Variants in ZNF385C observed in about 807,000 individuals in gnomAD.
The protein encoded by ZNF385C is zinc finger protein 385C.
In ZNF385C, 28 loss-of-function variants were observed where a neutral mutation model predicts 35.4. That is an observed-to-expected ratio of 0.79 (90% CI 0.59 to 1.08). The LOEUF is 1.08. ZNF385C is among the 50% of genes least tolerant of loss of function. ZNF385C has a pLI of 0.00. For synonymous variants in ZNF385C, 248 were observed against 248.2 expected (o/e 1.00, Z 0.01); for missense variants, 605 against 595.6 (o/e 1.02, Z -0.16).
At chr17:42,035,145 G>GAGAAAAGAAAAGAAAGGAAA (rs2052823793) in intron 3 of ZNF385C, among the ~76,000 whole-genome samples, 1 of 141,042 alleles carries the variant, frequency 7.1e-6, no homozygotes, top group Non-Finnish European at 1.5e-5. Flanking sequence ...AAAAAGAGAA[G>GAGAAAAGAAAAGAAAGGAAA]AGAAAAGAAA....
chr17:42,034,597 T>C (rs2052800911), intron 3 of ZNF385C, among the ~76,000 whole-genome samples: 2 of 136,632 alleles, frequency 1.5e-5, no homozygotes, highest in Admixed American at 8.0e-5. Flanking sequence ...CTGACCAACA[T>C]GGAGAAACCC....
intron 3 of ZNF385C, 122 bp from the exon 4 acceptor site, chr17:42,034,457 G>T (rs904986653): frequency 3.6e-5 from 24 of 674,680 alleles, no homozygotes; most frequent in Non-Finnish European, 5.3e-5. Context: ...CTTCTAGGAA[G>T]AACTTTTCCA....
chr17:42,067,145 A>T (rs933422959), intron 1 of ZNF385C, among the ~76,000 whole-genome samples: 15 of 151,862 alleles, frequency 9.9e-5, no homozygotes, highest in African/African-American at 3.6e-4. Context: ...ATCATAGCTC[A>T]CTGTAACCTC....
intron 2 of ZNF385C, chr17:42,038,387 C>T (rs2052916467): frequency 3.0e-6 from 1 of 337,028 alleles, no homozygotes; most frequent in Non-Finnish European, 5.5e-6. Flanking sequence ...ATGGGAAACC[C>T]ATGGGCTCTG....
chr17:42,082,423 C>T (rs2053758808), intron 1 of ZNF385C, among the ~76,000 whole-genome samples: 1 of 152,256 alleles, frequency 6.6e-6, no homozygotes, highest in African/African-American at 2.4e-5. Flanking sequence ...CACAACTAGG[C>T]CAAAGGTGGC....
intron 1 of ZNF385C, among the ~76,000 whole-genome samples, chr17:42,073,684 G>C (rs562232313): frequency 6.6e-6 from 1 of 152,206 alleles, no homozygotes; most frequent in Non-Finnish European, 1.5e-5. Context: ...AGGAAGAGCA[G>C]GAGGCAGGGG....
chr17:42,046,028 C>T (rs1328584641), intron 2 of ZNF385C, among the ~76,000 whole-genome samples: 1 of 152,230 alleles, frequency 6.6e-6, no homozygotes, highest in Non-Finnish European at 1.5e-5. Context: ...CCTCCTCTTT[C>T]CTTACTAATT....
At chr17:42,098,237 C>T (rs1555661117) in intron 1 of ZNF385C, among the ~76,000 whole-genome samples, 173 bp downstream of exon 1, 1 of 152,262 alleles carries the variant, frequency 6.6e-6, no homozygotes, top group South Asian at 2.1e-4. Context: ...AGTTCAGTCC[C>T]GCCCAGCAGA....
chr17:42,027,553 G>A lies in ZNF385C; in HGVS notation c.1275+65C>T, dbSNP rs1210176717. On this transcript the variant is annotated intron_variant, in intron 8 of 8. Transcript: ENST00000692273. ...CTGCCCCACCGCAGCCCCCCCATCT[G>A]GCCCTCCCAGCCCACCCTCTCCCCT... The A allele has an allele frequency of 8.7e-6, 4 of 461,324 alleles. No homozygotes were observed. In the Admixed American group the frequency reaches 1.4e-4, roughly 16 times the overall value. 28.6% of individuals were successfully genotyped at this position (461,324 alleles called of 1,614,324 possible).
At chr17:42,072,164 G>C (rs781993773) in intron 1 of ZNF385C, among the ~76,000 whole-genome samples, 1 of 152,146 alleles carries the variant, frequency 6.6e-6, no homozygotes, top group South Asian at 2.1e-4. Context: ...TCTCAGTGTT[G>C]ATAGGGGTGG....
At chr17:42,040,713 G>A in intron 2 of ZNF385C, 1 of 1,232,396 alleles carries the variant, frequency 8.1e-7, no homozygotes, top group Non-Finnish European at 1.0e-6. Context: ...TAGCTGCAAG[G>A]TCCAGTGCTG....
At chr17:42,049,320 A>G (rs1003607376) in intron 2 of ZNF385C, among the ~76,000 whole-genome samples, 2 of 152,012 alleles carry the variant, frequency 1.3e-5, no homozygotes, top group African/African-American at 4.8e-5. Context: ...CAGATTACAA[A>G]TCTCTGCTTC....
intron 1 of ZNF385C, among the ~76,000 whole-genome samples, chr17:42,073,675 G>T (rs1447657065): frequency 6.6e-6 from 1 of 152,192 alleles, no homozygotes; most frequent in Non-Finnish European, 1.5e-5. Flanking sequence ...GAGCCAACCA[G>T]GAAGAGCAGG....
intron 1 of ZNF385C, among the ~76,000 whole-genome samples, chr17:42,089,505 G>A (rs1466437161): frequency 1.3e-5 from 2 of 151,856 alleles, no homozygotes; most frequent in Non-Finnish European, 2.9e-5. Flanking sequence ...TCCTCCCACA[G>A]ATCAACTGAG....
intron 2 of ZNF385C, chr17:42,040,703 T>C (rs1209533934): frequency 8.1e-7 from 1 of 1,232,118 alleles, no homozygotes; most frequent in African/African-American, 1.6e-5. Context: ...GCCAAGTCAA[T>C]AGCTGCAAGG....
Position 42,039,701 on chromosome 17 carries a change from A to T in ZNF385C, c.251-1816T>A, listed in dbSNP as rs190878021. 8.2e-3 allele frequency: 10,148 copies of T among 1,232,450 alleles called. 65 individuals are homozygous for T. The highest frequency in any genetic ancestry group is 9.6e-3 in the Non-Finnish European group (9,461 of 988,230). 76.3% of individuals were successfully genotyped at this position (1,232,450 alleles called of 1,614,324 possible). A position where few individuals can be genotyped will look rare whatever the true frequency, so the allele number is the denominator to read the frequency against. On this transcript the variant is annotated intron_variant, in intron 2 of 8. Coordinates refer to ENST00000692273, the MANE Select transcript of ZNF385C (RefSeq NM_001392013.1). Reference sequence around the variant, plus strand: ...CTGGATGGGCCGAGGGAAGGAGGCCACCCTCAGGTGAGCTGCGACCCCAGG... The same window carrying T: ...CTGGATGGGCCGAGGGAAGGAGGCCTCCCTCAGGTGAGCTGCGACCCCAGG...
intron 2 of ZNF385C, chr17:42,041,073 CAG>C (rs1311261819): frequency 4.1e-6 from 5 of 1,232,192 alleles, no homozygotes; most frequent in African/African-American, 3.1e-5. Context: ...AAGTGGCAAA[CAG>C]GGCCAGGCTG....
At chr17:42,098,089 T>C (rs1164956576) in intron 1 of ZNF385C, among the ~76,000 whole-genome samples, 1 of 152,162 alleles carries the variant, frequency 6.6e-6, no homozygotes, top group Admixed American at 6.5e-5. Flanking sequence ...GGTTCCTTAC[T>C]CCGGACCCCC....
chr17:42,034,893 A>G (rs2052811465), intron 3 of ZNF385C, among the ~76,000 whole-genome samples: 1 of 151,948 alleles, frequency 6.6e-6, no homozygotes, highest in South Asian at 2.1e-4. Context: ...TTGGGAGGCC[A>G]AGATGGGTGA....
Sources: gnomAD v4.1 joint callset for allele counts (sites outside exome capture counted in the v4.1 genomes callset) on GRCh38, gnomAD v4.1.1 for gene constraint, MANE v1.5 for transcripts, NCBI Gene and HGNC (gene_info 2026-07-23, HGNC 2026-07-21) for gene names.